The following PRICKLE1 variants were observed in gnomAD, a reference collection of about 807,000 sequenced individuals.
PRICKLE1 encodes prickle planar cell polarity protein 1.
In PRICKLE1, 14 loss-of-function variants were observed where a neutral mutation model predicts 70.2. That is an observed-to-expected ratio of 0.20 (90% CI 0.13 to 0.31). The LOEUF (loss-of-function observed/expected upper bound fraction) is 0.31, where lower values mean the gene tolerates loss of function less well. Ranked by LOEUF, PRICKLE1 falls within the 10% of genes least tolerant of loss-of-function variation. The pLI is 1.00. For synonymous variants in PRICKLE1, 357 were observed against 379.9 expected (o/e 0.94, Z 0.70); for missense variants, 821 against 1,026.2 (o/e 0.80, Z 2.73).
intron 1 of PRICKLE1, among the ~76,000 whole-genome samples, chr12:42,521,710 A>T (rs1441567337): frequency 6.6e-6 from 1 of 152,096 alleles, no homozygotes; most frequent in East Asian, 1.9e-4. Context: ...CAAAAAAAAA[A>T]AGCCATTAAC....
At chr12:42,584,834 C>G (rs376134871) in intron 1 of PRICKLE1, among the ~76,000 whole-genome samples, 4 of 152,218 alleles carry the variant, frequency 2.6e-5, no homozygotes, top group East Asian at 3.9e-4. Context: ...AGTCTACTTA[C>G]GGGTCTGCAT....
At chr12:42,502,412 A>C (rs1263935625) in intron 1 of PRICKLE1, among the ~76,000 whole-genome samples, 2 of 151,894 alleles carry the variant, frequency 1.3e-5, no homozygotes, top group African/African-American at 4.8e-5. Context: ...GGCTCAAGCA[A>C]TCTTCCTGCC....
At chr12:42,554,065 T>C (rs1282359905) in intron 1 of PRICKLE1, among the ~76,000 whole-genome samples, 1 of 151,962 alleles carries the variant, frequency 6.6e-6, no homozygotes, top group Non-Finnish European at 1.5e-5. Context: ...GATCCCACCA[T>C]TGCACTCCAG....
chr12:42,512,329 C>T (rs554023788), intron 1 of PRICKLE1, among the ~76,000 whole-genome samples: 2 of 134,220 alleles, frequency 1.5e-5, no homozygotes, highest in Non-Finnish European at 3.5e-5. Context: ...CGGCACCATG[C>T]CCAGCTAATT....
At chr12:42,543,554 G>A (rs974043224) in intron 1 of PRICKLE1, among the ~76,000 whole-genome samples, 1 of 151,942 alleles carries the variant, frequency 6.6e-6, no homozygotes, top group Admixed American at 6.6e-5. Context: ...ATGGAGTCTC[G>A]CTCTGTCGCC....
chr12:42,460,724 T>G, intron 7 of PRICKLE1, 59 bp from the exon 8 acceptor site: 1 of 1,571,404 alleles, frequency 6.4e-7, no homozygotes, highest in African/African-American at 1.3e-5. Context: ...CGACAGTACT[T>G]AAAAGTAAGC....
At chr12:42,514,765 A>G (rs1235726491) in intron 1 of PRICKLE1, among the ~76,000 whole-genome samples, 1 of 152,144 alleles carries the variant, frequency 6.6e-6, no homozygotes, top group East Asian at 1.9e-4. Context: ...TGTTTTGAGA[A>G]ACAGCAGTTC....
intron 1 of PRICKLE1, among the ~76,000 whole-genome samples, chr12:42,568,935 A>T (rs558753626): frequency 6.6e-6 from 1 of 152,340 alleles, no homozygotes; most frequent in East Asian, 1.9e-4. Flanking sequence ...CATAATCCAT[A>T]GTCCCATCTC....
intron 1 of PRICKLE1, among the ~76,000 whole-genome samples, chr12:42,586,376 T>G (rs1465269323): frequency 3.3e-5 from 5 of 152,072 alleles, no homozygotes; most frequent in Non-Finnish European, 4.4e-5. Context: ...ATCACTTTGA[T>G]TTTTTAAAAT....
intron 1 of PRICKLE1, among the ~76,000 whole-genome samples, chr12:42,486,064 T>C (rs1938985803): frequency 6.6e-6 from 1 of 152,170 alleles, no homozygotes; most frequent in Non-Finnish European, 1.5e-5. Flanking sequence ...AGGTGGAATA[T>C]TCATGCTTGC....
At chr12:42,468,870 A>C in intron 4 of PRICKLE1, 41 bp from the exon 5 acceptor site, 1 of 1,584,716 alleles carries the variant, frequency 6.3e-7, no homozygotes, top group South Asian at 1.1e-5. Context: ...ATCATTTTTT[A>C]AAGACAGGAT....
intron 1 of PRICKLE1, among the ~76,000 whole-genome samples, chr12:42,538,523 A>G (rs1420061452): frequency 6.6e-6 from 1 of 152,170 alleles, no homozygotes; most frequent in African/African-American, 2.4e-5. Flanking sequence ...AATACTAATA[A>G]ACTCTGAACA....
At chr12:42,491,001 C>T (rs1215890064) in intron 1 of PRICKLE1, among the ~76,000 whole-genome samples, 1 of 151,766 alleles carries the variant, frequency 6.6e-6, no homozygotes, top group African/African-American at 2.4e-5. Flanking sequence ...TCCTAAGTAA[C>T]TTAGCTGGGA....
chr12:42,578,889 G>A (rs544901956), intron 1 of PRICKLE1, among the ~76,000 whole-genome samples: 2 of 152,196 alleles, frequency 1.3e-5, no homozygotes, highest in African/African-American at 2.4e-5. Flanking sequence ...AGCCTTGCGA[G>A]TAGCTGGGAT....
intron 1 of PRICKLE1, among the ~76,000 whole-genome samples, chr12:42,529,066 C>T (rs1169281268): frequency 6.6e-6 from 1 of 152,158 alleles, no homozygotes; most frequent in Non-Finnish European, 1.5e-5. Flanking sequence ...CAGACTTAGA[C>T]TTTTAGCTCT....
At chr12:42,501,888 C>T (rs562916219) in intron 1 of PRICKLE1, among the ~76,000 whole-genome samples, 3 of 152,234 alleles carry the variant, frequency 2.0e-5, no homozygotes, top group Non-Finnish European at 2.9e-5. Context: ...TTCAAGACAA[C>T]TGCTAGTGCA....
At chr12:42,565,872 T>A (rs924623522) in intron 1 of PRICKLE1, among the ~76,000 whole-genome samples, 1 of 152,126 alleles carries the variant, frequency 6.6e-6, no homozygotes, top group Non-Finnish European at 1.5e-5. Flanking sequence ...TTGTTTCAAG[T>A]CTCCTGCTTT....
intron 2 of PRICKLE1, among the ~76,000 whole-genome samples, chr12:42,471,977 A>G (rs1938341052): frequency 6.6e-6 from 1 of 152,364 alleles, no homozygotes; most frequent in Middle Eastern, 3.4e-3. Context: ...CTTCCAAAGC[A>G]AAAGCATTGC....
At chr12:42,550,085 G>A (rs1940287071) in intron 1 of PRICKLE1, 1 of 152,278 alleles carries the variant, frequency 6.6e-6, no homozygotes, top group South Asian at 2.1e-4. Flanking sequence ...CACAAGGTCA[G>A]ACTTTGCACC....
Sources: gnomAD v4.1 joint callset for allele counts (sites outside exome capture counted in the v4.1 genomes callset) on GRCh38, gnomAD v4.1.1 for gene constraint, MANE v1.5 for transcripts, NCBI Gene and HGNC (gene_info 2026-07-23, HGNC 2026-07-21) for gene names.